Variants in CAMK4 observed in about 807,000 individuals in gnomAD.
The protein encoded by CAMK4 is calcium/calmodulin-dependent protein kinase type IV.
Under a neutral mutation model 44.9 loss-of-function variants are expected in CAMK4, and 22 were observed. The observed-to-expected ratio is 0.49, with a 90% CI of 0.35 to 0.70. The LOEUF is 0.70. Ranked by LOEUF, CAMK4 falls within the 30% of genes least tolerant of loss-of-function variation. The pLI is 0.01. For synonymous variants in CAMK4, 218 were observed against 215.4 expected (o/e 1.01, Z -0.11); for missense variants, 498 against 586.8 (o/e 0.85, Z 1.56).
chr5:111,371,244 GCA>G (rs72435661), intron 2 of CAMK4, among the ~76,000 whole-genome samples: 4,935 of 152,152 alleles, frequency 0.032, 279 homozygotes, highest in African/African-American at 0.11. Context: ...TGTACCTGGT[GCA>G]CACTCTAGCA....
intron 2 of CAMK4, among the ~76,000 whole-genome samples, chr5:111,368,974 A>G (rs377241281): frequency 2.0e-5 from 3 of 150,932 alleles, no homozygotes; most frequent in Non-Finnish European, 2.9e-5. Flanking sequence ...TTTCAAATGT[A>G]TAATGTTAAA....
At chr5:111,362,487 A>G (rs1275826733) in intron 2 of CAMK4, among the ~76,000 whole-genome samples, 2 of 152,054 alleles carry the variant, frequency 1.3e-5, no homozygotes, top group East Asian at 3.9e-4. Context: ...AAATGTAAAA[A>G]GAAGTATACA....
chr5:111,437,231 C>T (rs759949), intron 5 of CAMK4, among the ~76,000 whole-genome samples: 15 of 152,012 alleles, frequency 9.9e-5, no homozygotes, highest in Admixed American at 2.6e-4. Context: ...TAGATTGCCA[C>T]GATGTAAGCA....
intron 2 of CAMK4, among the ~76,000 whole-genome samples, chr5:111,367,120 T>C (rs1291832683): frequency 6.6e-6 from 1 of 150,446 alleles, no homozygotes; most frequent in Non-Finnish European, 1.5e-5. Flanking sequence ...CCTGGTGTCT[T>C]AGTCCATTTT....
At chr5:111,393,267 A>G (rs1751875632) in intron 4 of CAMK4, among the ~76,000 whole-genome samples, 1 of 152,180 alleles carries the variant, frequency 6.6e-6, no homozygotes, top group Admixed American at 6.6e-5. Context: ...AAAATACACA[A>G]TACTCCCTAT....
chr5:111,300,377 C>G lies in CAMK4; in HGVS notation c.162-43647C>G, dbSNP rs140172532. ...GGGGGAGTAGGACTTGCCTCTTCCT[C>G]TAGTTGTTCAAGTTATTTTAAAATT... On this transcript the variant is annotated intron_variant, in intron 1 of 10. Transcript: ENST00000282356. 6.7e-4 allele frequency among the ~76,000 whole-genome samples: 102 copies of G among 152,262 alleles called. 3 individuals are homozygous for G. The East Asian group carries it at 0.017, about 25-fold the overall frequency.
At chr5:111,237,657 C>G (rs1450298179) in intron 1 of CAMK4, among the ~76,000 whole-genome samples, 1 of 152,182 alleles carries the variant, frequency 6.6e-6, no homozygotes, top group African/African-American at 2.4e-5. Context: ...TCCTCTACCC[C>G]TCTAGTTTTG....
At chr5:111,415,342 G>T (rs1323642398) in intron 5 of CAMK4, among the ~76,000 whole-genome samples, 1 of 152,204 alleles carries the variant, frequency 6.6e-6, no homozygotes, top group Non-Finnish European at 1.5e-5. Flanking sequence ...AACTGTGGCA[G>T]TATGGCAGTG....
Position 111,344,384 on chromosome 5 carries a change from T to C in CAMK4, c.240+282T>C, listed in dbSNP as rs187030573. Among the ~76,000 whole-genome samples the C allele has an allele frequency of 9.6e-3, 1,421 of 148,212 alleles. 12 individuals carry two copies. The highest frequency in any genetic ancestry group is 0.015 in the Admixed American group (224 of 14,674). On this transcript the variant is annotated intron_variant, in intron 2 of 10. Coordinates refer to ENST00000282356, the MANE Select transcript of CAMK4 (RefSeq NM_001744.6). ...GACCTTATTTTGCATATCAGGCATGTTCTTGGAGATTTTATATATATATAT... is the reference window on the plus strand; with the variant it reads ...GACCTTATTTTGCATATCAGGCATGCTCTTGGAGATTTTATATATATATAT...
At chr5:111,334,962 A>G (rs552016029) in intron 1 of CAMK4, among the ~76,000 whole-genome samples, 3 of 151,630 alleles carry the variant, frequency 2.0e-5, no homozygotes, top group African/African-American at 7.2e-5. Context: ...AAAAAAAGTG[A>G]AACTCTTTAA....
chr5:111,473,728 T>TA (rs1281211722), intron 8 of CAMK4, among the ~76,000 whole-genome samples: 7 of 152,246 alleles, frequency 4.6e-5, no homozygotes, highest in Non-Finnish European at 8.8e-5. Context: ...ATTTGCATCT[T>TA]ATATGAAATT....
intron 5 of CAMK4, among the ~76,000 whole-genome samples, chr5:111,425,162 T>TA (rs11351159): frequency 0.04 from 5,096 of 128,238 alleles, 302 homozygotes; most frequent in African/African-American, 0.13. Context: ...GACGCTGTCT[T>TA]AAAAAAAAAA....
chr5:111,431,055 A>G (rs1753423947), intron 5 of CAMK4, among the ~76,000 whole-genome samples: 1 of 152,192 alleles, frequency 6.6e-6, no homozygotes, highest in African/African-American at 2.4e-5. Flanking sequence ...AACCACCTGG[A>G]GGAATCACAT....
In CAMK4 at chr5:111,484,561, A is replaced by T; in HGVS notation, c.*95A>T. On this transcript the variant is annotated 3_prime_UTR_variant, in exon 11 of 11. Coordinates refer to ENST00000282356, the MANE Select transcript of CAMK4 (RefSeq NM_001744.6). This position sits in a 1 kb window ranked among gnomAD's most constrained non-coding sequence, Gnocchi z 5.3. The stretch of plus-strand genomic sequence containing the variant: ...TGGAAGCATGATATGTACTATAGTG[A>T]TTCTGTTTTTGAGGTGCAAAAAACA... 2.5e-6 allele frequency: 2 copies of T among 786,328 alleles called. No individual in the cohort carries two copies. Among genetic ancestry groups the T allele is most frequent in the Non-Finnish European group, 3.7e-6 (2 of 545,634 alleles). The allele number at this position is 786,328 out of a possible 1,614,324, so 48.7% of individuals were successfully genotyped here. A position where few individuals can be genotyped will look rare whatever the true frequency, so the allele number is the denominator to read the frequency against.
At chr5:111,318,212 A>T (rs1275519132) in intron 1 of CAMK4, among the ~76,000 whole-genome samples, 1 of 152,166 alleles carries the variant, frequency 6.6e-6, no homozygotes, top group Non-Finnish European at 1.5e-5. Flanking sequence ...AATAGCCTGA[A>T]AAAGGTGATC....
At chr5:111,364,707 T>A (rs755828204) in intron 2 of CAMK4, among the ~76,000 whole-genome samples, 3 of 152,050 alleles carry the variant, frequency 2.0e-5, no homozygotes, top group African/African-American at 4.8e-5. Context: ...CTATTGGAAA[T>A]CCCTTCTTTT....
rs540404600 is a variant in CAMK4 at position 111,363,497 on chromosome 5, T to A, written c.241-11353T>A. Among the ~76,000 whole-genome samples, 7 of 152,182 alleles carry A rather than the reference T, an allele frequency of 4.6e-5. No homozygotes were observed. The East Asian group carries it at 1.4e-3, about 29-fold the overall frequency. On this transcript the variant is annotated intron_variant, in intron 2 of 10. Coordinates refer to ENST00000282356, the MANE Select transcript of CAMK4 (RefSeq NM_001744.6). ...ATCCTTTCTGTCATAGAACTCATGCTCCGATGGAAGAAATAGATGATGAAT... is the reference window on the plus strand; with the variant it reads ...ATCCTTTCTGTCATAGAACTCATGCACCGATGGAAGAAATAGATGATGAAT...
intron 1 of CAMK4, among the ~76,000 whole-genome samples, chr5:111,244,584 T>A (rs575852320): frequency 6.6e-6 from 1 of 152,316 alleles, no homozygotes; most frequent in African/African-American, 2.4e-5. Context: ...TAAAATAGTC[T>A]GGGCGCAGTG....
chr5:111,364,532 G>C (rs1007919945), intron 2 of CAMK4, among the ~76,000 whole-genome samples: 2 of 152,140 alleles, frequency 1.3e-5, no homozygotes, highest in Non-Finnish European at 2.9e-5. Flanking sequence ...TAGAATCTAA[G>C]AATGAAGGGA....
Sources: allele counts gnomAD v4.1 joint callset (sites outside exome capture counted in the v4.1 genomes callset), GRCh38; gene constraint gnomAD v4.1.1; non-coding constraint Gnocchi (gnomAD v3.1); transcripts MANE v1.5; gene names NCBI Gene and HGNC (gene_info 2026-07-23, HGNC 2026-07-21).